The following SLC14A2 variants were observed in gnomAD, a reference collection of about 807,000 sequenced individuals.
SLC14A2 encodes the protein urea transporter 2.
A neutral mutation model predicts 104.6 loss-of-function variants in SLC14A2; 91 were observed. The observed-to-expected ratio is 0.87, with a 90% CI of 0.73 to 1.04. The LOEUF is 1.04. SLC14A2 is among the 50% of genes least tolerant of loss of function. SLC14A2 has a pLI of 0.00. For missense variants in SLC14A2, 1,189 were observed against 1,156.0 expected (o/e 1.03, Z -0.41); for synonymous variants, 476 against 466.4 (o/e 1.02, Z -0.27).
chr18:45,190,873 G>A, the SLC14A2 span, among the ~76,000 whole-genome samples: 16 of 152,140 alleles, frequency 1.1e-4, no homozygotes, highest in Non-Finnish European at 1.9e-4. Flanking sequence ...GCTAAGAACT[G>A]CAGGGCCAGG....
chr18:45,243,740 T>G (rs1157368208), intron 1 of SLC14A2, among the ~76,000 whole-genome samples: 2 of 152,178 alleles, frequency 1.3e-5, no homozygotes, highest in African/African-American at 4.8e-5. Flanking sequence ...GCCACCCAGT[T>G]GTGGCTGAGA....
intron 1 of SLC14A2, among the ~76,000 whole-genome samples, chr18:45,345,316 A>T (rs2085436827): frequency 6.6e-6 from 1 of 152,154 alleles, no homozygotes; most frequent in East Asian, 1.9e-4. Flanking sequence ...ATTATTGAGA[A>T]TTTACTTTAT....
chr18:45,247,491 AGAG>A (rs1415425730), intron 1 of SLC14A2, among the ~76,000 whole-genome samples: 1 of 152,014 alleles, frequency 6.6e-6, no homozygotes, highest in Non-Finnish European at 1.5e-5. Context: ...GATGTGGGAG[AGAG>A]ATTTGTTTTA....
intron 2 of SLC14A2, among the ~76,000 whole-genome samples, chr18:45,534,078 G>A (rs1164932409): frequency 6.6e-6 from 1 of 152,148 alleles, no homozygotes; most frequent in Non-Finnish European, 1.5e-5. Flanking sequence ...TCCCATCTAG[G>A]GAACAGAGAG....
chr18:45,301,380 A>T (rs2084967194), intron 1 of SLC14A2, among the ~76,000 whole-genome samples: 1 of 152,308 alleles, frequency 6.6e-6, no homozygotes, highest in Non-Finnish European at 1.5e-5. Flanking sequence ...GACCACTTCC[A>T]GTGGAAAAAG....
intron 2 of SLC14A2, chr18:45,490,081 T>C (rs1454733118): frequency 6.6e-6 from 1 of 152,148 alleles, no homozygotes; most frequent in African/African-American, 2.4e-5. Context: ...GAGAGAAGTA[T>C]GTGTCGAATG....
chr18:45,446,638 A>G (rs188567731), intron 1 of SLC14A2, among the ~76,000 whole-genome samples: 34 of 152,354 alleles, frequency 2.2e-4, no homozygotes, highest in African/African-American at 7.9e-4. Context: ...TATCAGCATT[A>G]TTGAAATAGC....
intron 2 of SLC14A2, among the ~76,000 whole-genome samples, chr18:45,497,425 A>C (rs2043117815): frequency 6.6e-6 from 1 of 152,200 alleles, no homozygotes; most frequent in African/African-American, 2.4e-5. Flanking sequence ...ATAGACATAC[A>C]ATCTTTCAGG....
intron 1 of SLC14A2, among the ~76,000 whole-genome samples, chr18:45,400,310 G>A (rs1219227561): frequency 2.0e-5 from 3 of 152,098 alleles, no homozygotes; most frequent in Non-Finnish European, 2.9e-5. Flanking sequence ...GATGTGTTTT[G>A]CGATTACAAG....
intron 3 of SLC14A2, among the ~76,000 whole-genome samples, chr18:45,626,089 G>C (rs1392442704): frequency 6.6e-6 from 1 of 152,136 alleles, no homozygotes; most frequent in Non-Finnish European, 1.5e-5. Context: ...AATTCTCATG[G>C]TTTCAGAATT....
intron 1 of SLC14A2, among the ~76,000 whole-genome samples, chr18:45,390,286 G>A (rs2144409547): frequency 6.6e-6 from 1 of 152,042 alleles, no homozygotes; most frequent in East Asian, 1.9e-4. Flanking sequence ...CTTGTCACTG[G>A]GCTTCATGAA....
At chr18:45,675,204 G>A (rs1025034431) in intron 18 of SLC14A2, among the ~76,000 whole-genome samples, 2 of 152,218 alleles carry the variant, frequency 1.3e-5, no homozygotes, top group African/African-American at 2.4e-5. Flanking sequence ...TTAAGCCCCT[G>A]TAGGTGGATC....
chr18:45,301,779 C>T (rs1386758356), intron 1 of SLC14A2, among the ~76,000 whole-genome samples: 2 of 152,180 alleles, frequency 1.3e-5, no homozygotes, highest in Non-Finnish European at 2.9e-5. Context: ...GATTTTGTAT[C>T]CTGAACAGTC....
chr18:45,393,828 G>A (rs1425273232), intron 1 of SLC14A2, among the ~76,000 whole-genome samples: 1 of 152,108 alleles, frequency 6.6e-6, no homozygotes, highest in East Asian at 1.9e-4. Flanking sequence ...TCTCACTATG[G>A]GATATACATA....
chr18:45,226,735 C>T (rs1341857165), intron 1 of SLC14A2, among the ~76,000 whole-genome samples: 2 of 151,878 alleles, frequency 1.3e-5, no homozygotes, highest in East Asian at 3.9e-4. Flanking sequence ...TTAATGGGTG[C>T]AGCACACCAA....
intron 2 of SLC14A2, among the ~76,000 whole-genome samples, chr18:45,526,062 G>A (rs1159224924): frequency 2.0e-5 from 3 of 152,194 alleles, no homozygotes. Context: ...AAGAAAGAAG[G>A]CAGTAAGGTA....
the SLC14A2 span, among the ~76,000 whole-genome samples, chr18:45,169,551 G>C: frequency 6.6e-6 from 1 of 152,142 alleles, no homozygotes; most frequent in Non-Finnish European, 1.5e-5. Context: ...GTTACATTAG[G>C]TTTTTGCATT....
intron 1 of SLC14A2, among the ~76,000 whole-genome samples, chr18:45,270,836 G>A (rs73427913): frequency 0.043 from 6,485 of 152,160 alleles, 414 homozygotes; most frequent in African/African-American, 0.14. Context: ...TGGAGTTACT[G>A]GACTCTAGCT....
intron 1 of SLC14A2, among the ~76,000 whole-genome samples, chr18:45,360,600 T>C (rs1288462336): frequency 6.6e-6 from 1 of 152,222 alleles, no homozygotes; most frequent in East Asian, 1.9e-4. Context: ...GTCTTGTGTG[T>C]ACTTCCCCAG....
Sources: gnomAD v4.1 joint callset for allele counts (sites outside exome capture counted in the v4.1 genomes callset) on GRCh38, gnomAD v4.1.1 for gene constraint, MANE v1.5 for transcripts, NCBI Gene and HGNC (gene_info 2026-07-23, HGNC 2026-07-21) for gene names.